The following SLC24A2 variants were observed in gnomAD, a reference collection of about 807,000 sequenced individuals.
The protein encoded by SLC24A2 is sodium/potassium/calcium exchanger 2.
In SLC24A2, 36 loss-of-function variants were observed where a neutral mutation model predicts 62.0. The ratio of observed to expected loss-of-function variants is 0.58; its 90% CI spans 0.44 to 0.77. The LOEUF (loss-of-function observed/expected upper bound fraction) is 0.77, where lower values mean the gene tolerates loss of function less well. SLC24A2 is among the 30% of genes least tolerant of loss of function. The pLI is 0.00. For missense variants in SLC24A2, 846 were observed against 817.9 expected, an observed-to-expected ratio of 1.03 and a Z score of -0.42; for synonymous variants, 358 against 294.0, an observed-to-expected ratio of 1.22 and a Z score of -2.23.
the SLC24A2 span, among the ~76,000 whole-genome samples, chr9:20,097,964 G>A: frequency 4.0e-5 from 6 of 151,534 alleles, no homozygotes; most frequent in Non-Finnish European, 8.8e-5. Context: ...GTATGGTCTC[G>A]ATCTCCTGAC....
At position 19,603,430 on chromosome 9, in the gene SLC24A2, G is replaced by A. The variant is rs1279078751; in HGVS notation, c.1079-6151C>T. ...TTTATGAAGTGCTGTGTACAGATAG[G>A]CCTGTTGGTTTCTTTCATAGAAACA... On this transcript the variant is annotated intron_variant, in intron 4 of 10. Transcript: ENST00000341998. Among the ~76,000 whole-genome samples the A allele has an allele frequency of 5.9e-5, 9 of 151,926 alleles. 1 individual carries two copies. Among genetic ancestry groups the A allele is most frequent in the Non-Finnish European group, 1.2e-4 (8 of 68,000 alleles).
At chr9:19,553,233 G>A (rs867669741) in intron 7 of SLC24A2, among the ~76,000 whole-genome samples, 1 of 152,194 alleles carries the variant, frequency 6.6e-6, no homozygotes, top group South Asian at 2.1e-4. Context: ...CCAAGTTTGA[G>A]GCTTATTTTG....
the SLC24A2 span, among the ~76,000 whole-genome samples, chr9:20,202,064 T>TGC: frequency 4.8e-5 from 7 of 146,910 alleles, no homozygotes; most frequent in Non-Finnish European, 1.0e-4. Context: ...TGTGTGTGTG[T>TGC]GTGTGTGTGT....
chr9:20,177,104 G>A, the SLC24A2 span, among the ~76,000 whole-genome samples: 6 of 152,054 alleles, frequency 3.9e-5, no homozygotes, highest in African/African-American at 1.4e-4. Context: ...TAGATTGGCT[G>A]ACATTTATTT....
At chr9:20,216,847 C>A in the SLC24A2 span, among the ~76,000 whole-genome samples, 2 of 152,096 alleles carry the variant, frequency 1.3e-5, no homozygotes, top group Non-Finnish European at 2.9e-5. Context: ...AGTTAATAGT[C>A]ACGATTGGTT....
chr9:19,824,104 A>AGC, the SLC24A2 span, among the ~76,000 whole-genome samples: 1 of 152,222 alleles, frequency 6.6e-6, no homozygotes. Context: ...TTCAGGACAT[A>AGC]GGCACGGACA....
intron 2 of SLC24A2, among the ~76,000 whole-genome samples, chr9:19,724,933 T>C (rs12005367): frequency 1.3e-5 from 2 of 152,014 alleles, no homozygotes; most frequent in Non-Finnish European, 2.9e-5. Flanking sequence ...CAAGCGCCAG[T>C]CAAATCTCAC....
chr9:20,201,995 T>C, the SLC24A2 span, among the ~76,000 whole-genome samples: 2 of 152,080 alleles, frequency 1.3e-5, no homozygotes, highest in African/African-American at 4.8e-5. Context: ...TTACTTGGCC[T>C]GTAATCTTTG....
the SLC24A2 span, among the ~76,000 whole-genome samples, chr9:20,096,801 A>G: frequency 1.3e-5 from 2 of 151,594 alleles, no homozygotes; most frequent in African/African-American, 2.4e-5. Flanking sequence ...TTCTTTACAA[A>G]TTTTTTTGTT....
chr9:20,069,348 C>T, the SLC24A2 span, among the ~76,000 whole-genome samples: 1 of 152,158 alleles, frequency 6.6e-6, no homozygotes, highest in Non-Finnish European at 1.5e-5. Context: ...ATCAATTGGT[C>T]TTTCAGTAAT....
the SLC24A2 span, among the ~76,000 whole-genome samples, chr9:20,167,673 G>T: frequency 6.6e-6 from 1 of 151,986 alleles, no homozygotes; most frequent in Non-Finnish European, 1.5e-5. Flanking sequence ...ACATCTTGTT[G>T]TTCCAATAAG....
chr9:19,904,634 T>G, the SLC24A2 span, among the ~76,000 whole-genome samples: 2 of 152,234 alleles, frequency 1.3e-5, no homozygotes, highest in Non-Finnish European at 2.9e-5. Context: ...TTTTTGATGT[T>G]TTCATTACTC....
At chr9:19,590,998 T>C (rs1269842227) in intron 5 of SLC24A2, among the ~76,000 whole-genome samples, 2 of 152,178 alleles carry the variant, frequency 1.3e-5, no homozygotes, top group Non-Finnish European at 2.9e-5. Context: ...GACACCATTC[T>C]ATCCTAGTTT....
the SLC24A2 span, among the ~76,000 whole-genome samples, chr9:19,883,902 G>T: frequency 6.6e-6 from 1 of 152,144 alleles, no homozygotes; most frequent in African/African-American, 2.4e-5. Flanking sequence ...TATATAGACA[G>T]AAATTGGCCT....
chr9:19,574,751 A>C (rs1051692284), intron 6 of SLC24A2, among the ~76,000 whole-genome samples: 1 of 152,160 alleles, frequency 6.6e-6, no homozygotes, highest in Non-Finnish European at 1.5e-5. Context: ...CAGGTGATCA[A>C]TGTTCCAGCA....
the SLC24A2 span, among the ~76,000 whole-genome samples, chr9:20,168,999 C>T: frequency 6.6e-6 from 1 of 151,778 alleles, no homozygotes; most frequent in Non-Finnish European, 1.5e-5. Flanking sequence ...TATATACACA[C>T]AATGAAAAAT....
the SLC24A2 span, among the ~76,000 whole-genome samples, chr9:20,258,632 C>T: frequency 6.6e-6 from 1 of 152,200 alleles, no homozygotes; most frequent in East Asian, 1.9e-4. Context: ...CAGCCTTTGG[C>T]CTCTGACTAA....
chr9:19,737,650 A>G (rs1464021080), intron 2 of SLC24A2, among the ~76,000 whole-genome samples: 6 of 152,116 alleles, frequency 3.9e-5, no homozygotes, highest in Non-Finnish European at 5.9e-5. Context: ...CATCTAGAAT[A>G]TCAAAAAATT....
chr9:19,525,962 C>G (rs1833430551), intron 9 of SLC24A2, among the ~76,000 whole-genome samples: 1 of 151,980 alleles, frequency 6.6e-6, no homozygotes, highest in Non-Finnish European at 1.5e-5. Context: ...TATTCATCAT[C>G]CCCAGAAGAA....
Sources: gnomAD v4.1 joint callset for allele counts (sites outside exome capture counted in the v4.1 genomes callset) on GRCh38, gnomAD v4.1.1 for gene constraint, MANE v1.5 for transcripts, NCBI Gene and HGNC (gene_info 2026-07-23, HGNC 2026-07-21) for gene names.